TSPAN5: variants seen among roughly 807,000 people sequenced by gnomAD.
TSPAN5 encodes tetraspanin 5.
In TSPAN5, 10 loss-of-function variants were observed where a neutral mutation model predicts 37.1. That is an observed-to-expected ratio of 0.27 (90% confidence interval 0.17 to 0.46). The LOEUF (loss-of-function observed/expected upper bound fraction) is 0.46. Among genes scored for constraint, TSPAN5 ranks in the 20% least tolerant of loss-of-function variants. TSPAN5 has a pLI of 1.00. For synonymous variants in TSPAN5, 110 were observed against 118.9 expected (o/e 0.93, Z 0.48); for missense variants, 195 against 326.6 (o/e 0.60, Z 3.11).
rs1464486688 is a variant in TSPAN5 at position 98,472,515 on chromosome 4, A to T, written c.*7T>A. On this transcript the variant is annotated 3_prime_UTR_variant, in exon 8 of 8. Coordinates refer to ENST00000305798, the MANE Select transcript of TSPAN5 (RefSeq NM_005723.4). ...TCCAGTGTCTTGCAGCAGCGGTTGC[A>T]GGGGGTCTACCAGCTCGCCCTGACA... 1 of 1,613,716 alleles carries T rather than the reference A, an allele frequency of 6.2e-7. No individual in the cohort carries two copies. Among genetic ancestry groups the T allele is most frequent in the East Asian group, 2.2e-5 (1 of 44,890 alleles).
intron 1 of TSPAN5, among the ~76,000 whole-genome samples, chr4:98,580,332 G>A (rs1755339905): frequency 6.6e-6 from 1 of 152,228 alleles, no homozygotes; most frequent in South Asian, 2.1e-4. Context: ...ACAGTTCATA[G>A]AAACATCATC....
At chr4:98,492,456 G>A (rs147812945) in intron 2 of TSPAN5, among the ~76,000 whole-genome samples, 2 of 152,256 alleles carry the variant, frequency 1.3e-5, no homozygotes, top group East Asian at 3.9e-4. Context: ...TCCCTTGATT[G>A]CTTATGCTGG....
chr4:98,569,317 T>C (rs1755069892), intron 1 of TSPAN5, among the ~76,000 whole-genome samples: 1 of 152,208 alleles, frequency 6.6e-6, no homozygotes, highest in African/African-American at 2.4e-5. Context: ...CTTCCTGAAC[T>C]GGGATAACAC....
chr4:98,536,954 G>A (rs957962982), intron 1 of TSPAN5, among the ~76,000 whole-genome samples: 7 of 152,272 alleles, frequency 4.6e-5, no homozygotes, highest in Admixed American at 3.9e-4. Context: ...GGGACCCGCC[G>A]AGCCAGACCA....
intron 1 of TSPAN5, among the ~76,000 whole-genome samples, chr4:98,554,837 G>A (rs1754702258): frequency 6.6e-6 from 1 of 152,198 alleles, no homozygotes; most frequent in Non-Finnish European, 1.5e-5. Flanking sequence ...CTAAAGGAGA[G>A]AGTATGTGCC....
chr4:98,624,182 T>C (rs1756540078), intron 1 of TSPAN5, among the ~76,000 whole-genome samples: 1 of 152,068 alleles, frequency 6.6e-6, no homozygotes, highest in African/African-American at 2.4e-5. Flanking sequence ...ATAGAAGTTA[T>C]TACCATCCCT....
At chr4:98,650,569 A>G (rs534566899) in intron 1 of TSPAN5, among the ~76,000 whole-genome samples, 2 of 152,358 alleles carry the variant, frequency 1.3e-5, no homozygotes, top group African/African-American at 4.8e-5. Context: ...ACCCTGTGGT[A>G]TCAGACAGGA....
chr4:98,537,809 T>C (rs1262944777), intron 1 of TSPAN5, among the ~76,000 whole-genome samples: 1 of 152,366 alleles, frequency 6.6e-6, no homozygotes, highest in East Asian at 1.9e-4. Flanking sequence ...TGCACCTAAA[T>C]GCATTGATCC....
intron 2 of TSPAN5, among the ~76,000 whole-genome samples, chr4:98,501,272 T>G (rs1753341475): frequency 6.6e-6 from 1 of 152,226 alleles, no homozygotes; most frequent in Non-Finnish European, 1.5e-5. Flanking sequence ...CCTTTTATTC[T>G]GTAAGAATCG....
intron 1 of TSPAN5, among the ~76,000 whole-genome samples, chr4:98,520,477 C>G (rs1753829474): frequency 6.6e-6 from 1 of 152,162 alleles, no homozygotes; most frequent in Admixed American, 6.6e-5. Flanking sequence ...TCTGTAATAT[C>G]TGGAAATATC....
chr4:98,598,805 TGAGA>T (rs1384274732), intron 1 of TSPAN5, among the ~76,000 whole-genome samples: 1 of 152,154 alleles, frequency 6.6e-6, no homozygotes, highest in African/African-American at 2.4e-5. Flanking sequence ...TTCAGGTATT[TGAGA>T]GAGAGTCTCA....
At chr4:98,583,085 A>G (rs1393570240) in intron 1 of TSPAN5, among the ~76,000 whole-genome samples, 1 of 152,154 alleles carries the variant, frequency 6.6e-6, no homozygotes, top group African/African-American at 2.4e-5. Flanking sequence ...CCCAACTTCG[A>G]CTTGTCAACT....
At chr4:98,475,008 A>C (rs907403619) in intron 7 of TSPAN5, among the ~76,000 whole-genome samples, 3 of 152,114 alleles carry the variant, frequency 2.0e-5, no homozygotes, top group Non-Finnish European at 4.4e-5. Flanking sequence ...TTTCAATTTT[A>C]TTCCACTTCT....
chr4:98,479,556 G>A (rs1002279053), intron 4 of TSPAN5, among the ~76,000 whole-genome samples: 1 of 152,174 alleles, frequency 6.6e-6, no homozygotes. Context: ...GACCTTTGTG[G>A]AGAGCCTATA....
At chr4:98,545,830 C>G (rs1188337929) in intron 1 of TSPAN5, among the ~76,000 whole-genome samples, 1 of 152,180 alleles carries the variant, frequency 6.6e-6, no homozygotes, top group African/African-American at 2.4e-5. Flanking sequence ...GCACACCCAA[C>G]CCACATATTC....
intron 1 of TSPAN5, 47 bp downstream of exon 1, chr4:98,658,099 A>G (rs772735666): frequency 1.1e-4 from 162 of 1,531,810 alleles, no homozygotes; most frequent in Non-Finnish European, 1.4e-4. Flanking sequence ...AATCGTCGCG[A>G]ATCGATCGGC....
At position 98,486,204 on chromosome 4, in the gene TSPAN5, C is replaced by A. The variant is rs114943823; in HGVS notation, c.279+534G>T. On this transcript the variant is annotated intron_variant, in intron 3 of 7. Transcript: ENST00000305798. Reference sequence around the variant, plus strand: ...AACATTCACTCAGACAGTGATCACGCCAACCGCACCACATCTAAAAATTAC... The same window carrying A: ...AACATTCACTCAGACAGTGATCACGACAACCGCACCACATCTAAAAATTAC... Among the ~76,000 whole-genome samples the A allele has an allele frequency of 5.1e-3, 779 of 152,290 alleles. 5 individuals are homozygous for A. Among genetic ancestry groups the A allele is most frequent in the African/African-American group, 0.016 (683 of 41,568 alleles).
At chr4:98,571,477 A>T (rs1285508252) in intron 1 of TSPAN5, among the ~76,000 whole-genome samples, 1 of 150,276 alleles carries the variant, frequency 6.7e-6, no homozygotes, top group Non-Finnish European at 1.5e-5. Flanking sequence ...TCAAATTTAC[A>T]ATGTTAGTAT....
intron 1 of TSPAN5, among the ~76,000 whole-genome samples, chr4:98,560,759 A>G (rs7666585): frequency 0.13 from 19,387 of 152,200 alleles, 1,439 homozygotes; most frequent in South Asian, 0.24. Context: ...ATATAATATA[A>G]TGTGTGACAG....
Sources: gnomAD v4.1 joint callset for allele counts (sites outside exome capture counted in the v4.1 genomes callset) on GRCh38, gnomAD v4.1.1 for gene constraint, MANE v1.5 for transcripts, NCBI Gene and HGNC (gene_info 2026-07-23, HGNC 2026-07-21) for gene names.